ARHGAP15: variants seen among roughly 807,000 people sequenced by gnomAD.
ARHGAP15 encodes the protein rho GTPase-activating protein 15.
A neutral mutation model predicts 63.7 loss-of-function variants in ARHGAP15; 51 were observed. That is an observed-to-expected ratio of 0.80 (90% CI 0.64 to 1.01). The LOEUF is 1.01. Ranked by LOEUF, ARHGAP15 falls within the 50% of genes least tolerant of loss-of-function variation. ARHGAP15 has a pLI of 0.00. For synonymous variants in ARHGAP15, 191 were observed against 193.8 expected (o/e 0.99, Z 0.12); for missense variants, 560 against 564.6 (o/e 0.99, Z 0.08).
chr2:143,418,792 G>A (rs922653314), intron 6 of ARHGAP15, among the ~76,000 whole-genome samples: 2 of 152,128 alleles, frequency 1.3e-5, no homozygotes, highest in African/African-American at 2.4e-5. Context: ...AAATACAGGG[G>A]TCTCTCTGTA....
chr2:143,413,798 T>C (rs1029363283), intron 6 of ARHGAP15, among the ~76,000 whole-genome samples: 3 of 152,136 alleles, frequency 2.0e-5, no homozygotes, highest in South Asian at 4.1e-4. Context: ...CAATGCAGAA[T>C]GCCTCAGGAG....
At chr2:143,475,711 G>C (rs1381051223) in intron 8 of ARHGAP15, among the ~76,000 whole-genome samples, 2 of 152,226 alleles carry the variant, frequency 1.3e-5, no homozygotes, top group Non-Finnish European at 2.9e-5. Flanking sequence ...GCATAGCCCA[G>C]GGTGCCCAGA....
intron 12 of ARHGAP15, among the ~76,000 whole-genome samples, chr2:143,661,478 CA>C (rs1469939213): frequency 1.3e-5 from 2 of 151,772 alleles, no homozygotes; most frequent in Admixed American, 6.6e-5. Flanking sequence ...GACAAGGGTA[CA>C]AAAAAAGTAT....
At chr2:143,652,506 C>T (rs1158911283) in intron 12 of ARHGAP15, among the ~76,000 whole-genome samples, 1 of 151,976 alleles carries the variant, frequency 6.6e-6, no homozygotes, top group African/African-American at 2.4e-5. Flanking sequence ...TTCCATTAAA[C>T]CTGTAGATTA....
At chr2:143,617,505 T>C (rs1698494798) in intron 11 of ARHGAP15, among the ~76,000 whole-genome samples, 1 of 152,170 alleles carries the variant, frequency 6.6e-6, no homozygotes, top group South Asian at 2.1e-4. Flanking sequence ...ACATGGTCTT[T>C]CCTCTGTGTG....
chr2:143,272,783 C>A (rs572983668), intron 6 of ARHGAP15, among the ~76,000 whole-genome samples: 12 of 152,304 alleles, frequency 7.9e-5, no homozygotes, highest in Admixed American at 2.6e-4. Context: ...TTCAGTACTA[C>A]TAAGGCCTGA....
intron 6 of ARHGAP15, among the ~76,000 whole-genome samples, chr2:143,346,713 T>A (rs1217342429): frequency 2.0e-5 from 3 of 152,162 alleles, no homozygotes; most frequent in South Asian, 2.1e-4. Context: ...AAAAGAGACT[T>A]CACATTATTT....
intron 12 of ARHGAP15, among the ~76,000 whole-genome samples, chr2:143,655,204 C>CA (rs1356704480): frequency 1.3e-5 from 2 of 152,206 alleles, no homozygotes; most frequent in East Asian, 3.9e-4. Context: ...GTTTTTGGTG[C>CA]ACCCATCTCC....
At chr2:143,491,729 TA>T (rs1692587668) in intron 9 of ARHGAP15, among the ~76,000 whole-genome samples, 1 of 152,190 alleles carries the variant, frequency 6.6e-6, no homozygotes, top group Non-Finnish European at 1.5e-5. Flanking sequence ...TTATTTAGGG[TA>T]AAAGCTGGTT....
intron 11 of ARHGAP15, among the ~76,000 whole-genome samples, chr2:143,613,316 T>A (rs1698331378): frequency 6.6e-6 from 1 of 152,198 alleles, no homozygotes; most frequent in African/African-American, 2.4e-5. Context: ...GACTTCAAAT[T>A]GGAAGATTGT....
At position 143,178,477 on chromosome 2, in the gene ARHGAP15, T is replaced by G. The variant is rs17205088; in HGVS notation, c.165+22822T>G. Among the ~76,000 whole-genome samples the G allele has an allele frequency of 9.8e-4, 150 of 152,318 alleles. 1 individual carries two copies. The highest frequency in any genetic ancestry group is 3.4e-3 in the African/African-American group (141 of 41,576). On this transcript the variant is annotated intron_variant, in intron 2 of 13. Coordinates refer to ENST00000295095, the MANE Select transcript of ARHGAP15 (RefSeq NM_018460.4). ...GATATTGGCTAAATAGTATCTAAAG[T>G]GACATATAAATGTTCATGATGTCTG...
chr2:143,214,521 G>A (rs1008806624), intron 3 of ARHGAP15, among the ~76,000 whole-genome samples: 8 of 152,080 alleles, frequency 5.3e-5, no homozygotes, highest in African/African-American at 1.7e-4. Context: ...TGTGGAAAAA[G>A]CAAATGAATA....
intron 6 of ARHGAP15, chr2:143,295,659 A>C (rs1044483247): frequency 6.6e-6 from 1 of 152,046 alleles, no homozygotes; most frequent in African/African-American, 2.4e-5. Context: ...TTTCGGGTAG[A>C]TAAAGACACG....
intron 13 of ARHGAP15, among the ~76,000 whole-genome samples, chr2:143,754,810 A>G (rs1686511692): frequency 6.6e-6 from 1 of 152,020 alleles, no homozygotes; most frequent in African/African-American, 2.4e-5. Context: ...CTACCTTCCA[A>G]TCTACTGATC....
At chr2:143,711,133 G>T (rs1684563231) in intron 13 of ARHGAP15, among the ~76,000 whole-genome samples, 1 of 152,048 alleles carries the variant, frequency 6.6e-6, no homozygotes, top group Non-Finnish European at 1.5e-5. Context: ...AAAGGCAAGA[G>T]GTCACAATAA....
rs149306542 is a variant in ARHGAP15, at chr2:143,699,556, T to C, written c.1139-3863T>C. 1.2e-4 allele frequency among the ~76,000 whole-genome samples: 19 copies of C among 152,340 alleles called. No homozygotes were observed. In the East Asian group the frequency reaches 2.3e-3, roughly 19 times the overall value. ...CATGTACTTTTCATAAGGATACTTATACATAACTGACCTGCTCACCAATCA... is the reference window on the plus strand; with the variant it reads ...CATGTACTTTTCATAAGGATACTTACACATAACTGACCTGCTCACCAATCA... On this transcript the variant is annotated intron_variant, in intron 12 of 13. Coordinates refer to ENST00000295095, the MANE Select transcript of ARHGAP15 (RefSeq NM_018460.4).
At chr2:143,345,559 CTG>C (rs1409779796) in intron 6 of ARHGAP15, among the ~76,000 whole-genome samples, 2 of 151,964 alleles carry the variant, frequency 1.3e-5, no homozygotes, top group Non-Finnish European at 2.9e-5. Context: ...GGGAATCTGT[CTG>C]TATTTTTTTT....
At chr2:143,531,582 A>G (rs1184433429) in intron 10 of ARHGAP15, among the ~76,000 whole-genome samples, 1 of 152,210 alleles carries the variant, frequency 6.6e-6, no homozygotes, top group East Asian at 1.9e-4. Context: ...TCTACAATTA[A>G]TAGGCTAGAA....
intron 3 of ARHGAP15, among the ~76,000 whole-genome samples, chr2:143,213,167 A>G (rs999613347): frequency 3.3e-5 from 5 of 152,210 alleles, no homozygotes; most frequent in African/African-American, 1.2e-4. Context: ...AAGAAGTGTT[A>G]TTAATTAAAA....
Sources: allele counts gnomAD v4.1 joint callset (sites outside exome capture counted in the v4.1 genomes callset), GRCh38; gene constraint gnomAD v4.1.1; transcripts MANE v1.5; gene names NCBI Gene and HGNC (gene_info 2026-07-23, HGNC 2026-07-21).